RIMS2: variants seen among roughly 807,000 people sequenced by gnomAD.
The protein encoded by RIMS2 is regulating synaptic membrane exocytosis protein 2.
RIMS2 carries 59 observed loss-of-function variants against 174.4 expected under a neutral mutation model. The ratio of observed to expected loss-of-function variants is 0.34; its 90% CI spans 0.27 to 0.42. RIMS2 has a LOEUF of 0.42. Ranked by LOEUF, RIMS2 falls within the 10% of genes least tolerant of loss-of-function variation. The pLI, the probability that RIMS2 is intolerant of heterozygous loss-of-function variation, is 1.00. For missense variants in RIMS2, 1,620 were observed against 1,666.3 expected (o/e 0.97, Z 0.48); for synonymous variants, 606 against 572.5 (o/e 1.06, Z -0.84).
chr8:103,667,130 G>A lies in RIMS2; in HGVS notation c.177-29956G>A, dbSNP rs76502544. Among the ~76,000 whole-genome samples the A allele has an allele frequency of 4.7e-3, 717 of 152,232 alleles. 5 individuals are homozygous for A. The highest frequency in any genetic ancestry group is 0.016 in the African/African-American group (672 of 41,542). On this transcript the variant is annotated intron_variant, in intron 1 of 23. Transcript: ENST00000504942. The stretch of plus-strand genomic sequence containing the variant: ...AAGACCAAAGAATAAGCTAGATAAA[G>A]CATCTGTTTGTTTCAACCAAGCAAC...
At chr8:103,795,335 A>C (rs938555609) in intron 3 of RIMS2, among the ~76,000 whole-genome samples, 1 of 152,050 alleles carries the variant, frequency 6.6e-6, no homozygotes, top group Admixed American at 6.6e-5. Flanking sequence ...TCGCAAGGAC[A>C]GAAAACCAGA....
chr8:103,744,688 C>T (rs1284094525), intron 2 of RIMS2, among the ~76,000 whole-genome samples: 4 of 152,122 alleles, frequency 2.6e-5, no homozygotes, highest in African/African-American at 9.7e-5. Context: ...GCCAAGGGAA[C>T]AGGCCTAACC....
intron 3 of RIMS2, among the ~76,000 whole-genome samples, chr8:103,874,479 A>G (rs547129510): frequency 3.3e-5 from 5 of 152,042 alleles, no homozygotes; most frequent in Non-Finnish European, 7.4e-5. Context: ...TACATTTCCT[A>G]TTTTCTTCAT....
chr8:104,039,716 C>T lies in RIMS2; in HGVS notation c.3334+25101C>T, dbSNP rs543060211. ...AAAACACAATGCAACATACGAAAGT[C>T]GGCATTTGCCTAGGGTATTAATAAA... On this transcript the variant is annotated intron_variant, in intron 19 of 23. Transcript: ENST00000504942. Among the ~76,000 whole-genome samples the T allele has an allele frequency of 1.5e-4, 22 of 151,700 alleles. No individual in the cohort carries two copies. In the East Asian group the frequency reaches 3.7e-3, roughly 25 times the overall value.
chr8:103,863,336 A>AT (rs1234427959), intron 3 of RIMS2, among the ~76,000 whole-genome samples: 1 of 151,260 alleles, frequency 6.6e-6, no homozygotes, highest in Non-Finnish European at 1.5e-5. Flanking sequence ...TGGTGTATTA[A>AT]TTTTTTTTGG....
intron 3 of RIMS2, among the ~76,000 whole-genome samples, chr8:103,773,672 G>C (rs922442877): frequency 1.3e-5 from 2 of 152,152 alleles, no homozygotes; most frequent in African/African-American, 2.4e-5. Context: ...GGAGGTTGCG[G>C]TGAGCTGAGA....
At chr8:103,565,068 A>G (rs2092166484) in intron 1 of RIMS2, among the ~76,000 whole-genome samples, 1 of 152,172 alleles carries the variant, frequency 6.6e-6, no homozygotes, top group Non-Finnish European at 1.5e-5. Flanking sequence ...CTGAGACTTG[A>G]CAGACATATG....
intron 2 of RIMS2, among the ~76,000 whole-genome samples, chr8:103,758,500 C>CT (rs939971455): frequency 5.3e-5 from 8 of 151,764 alleles, no homozygotes; most frequent in Non-Finnish European, 8.8e-5. Context: ...TTTTTTTCAG[C>CT]TTTTTTTTAT....
intron 19 of RIMS2, among the ~76,000 whole-genome samples, chr8:104,175,717 C>T (rs1351406324): frequency 1.3e-5 from 2 of 151,964 alleles, no homozygotes; most frequent in Non-Finnish European, 2.9e-5. Flanking sequence ...AGAGAAAGAA[C>T]AAGTAAAGAA....
intron 3 of RIMS2, among the ~76,000 whole-genome samples, chr8:103,882,062 C>T (rs910727484): frequency 1.3e-4 from 19 of 151,360 alleles, no homozygotes; most frequent in African/African-American, 1.9e-4. Context: ...AAATCCTAGA[C>T]GAATCGTTCC....
intron 17 of RIMS2, among the ~76,000 whole-genome samples, chr8:103,991,294 G>T (rs1483474136): frequency 6.6e-6 from 1 of 151,376 alleles, no homozygotes; most frequent in Non-Finnish European, 1.5e-5. Context: ...ATTGTGAGCT[G>T]CCTTAAATCC....
intron 19 of RIMS2, among the ~76,000 whole-genome samples, chr8:104,187,356 T>C (rs932828476): frequency 2.6e-5 from 4 of 151,818 alleles, no homozygotes; most frequent in African/African-American, 9.7e-5. Flanking sequence ...ATGATAATAG[T>C]GTATTTGAGA....
intron 19 of RIMS2, among the ~76,000 whole-genome samples, chr8:104,209,205 A>T (rs1012210380): frequency 3.3e-5 from 5 of 152,192 alleles, no homozygotes; most frequent in African/African-American, 1.2e-4. Context: ...AGAATTAATT[A>T]CTTCCAATTC....
intron 17 of RIMS2, among the ~76,000 whole-genome samples, chr8:104,010,755 A>T (rs991053158): frequency 1.4e-4 from 22 of 152,188 alleles, no homozygotes; most frequent in African/African-American, 4.8e-4. Context: ...GAAAGATTTA[A>T]ATTTACAGGT....
intron 1 of RIMS2, among the ~76,000 whole-genome samples, chr8:103,612,500 C>G (rs1307048438): frequency 6.6e-6 from 1 of 152,224 alleles, no homozygotes; most frequent in African/African-American, 2.4e-5. Flanking sequence ...CTTGCAGACT[C>G]ATACAGGTAC....
chr8:103,572,469 AACTC>A (rs1308245396), intron 1 of RIMS2, among the ~76,000 whole-genome samples: 21 of 152,102 alleles, frequency 1.4e-4, no homozygotes, highest in Admixed American at 7.9e-4. Flanking sequence ...TGAGTTTACA[AACTC>A]AAGCTGCTTT....
chr8:103,730,071 C>CT (rs145703707), intron 2 of RIMS2, among the ~76,000 whole-genome samples: 142 of 152,270 alleles, frequency 9.3e-4, no homozygotes, highest in African/African-American at 2.9e-3. Context: ...TCCATTTGGA[C>CT]TATACTGCAG....
intron 19 of RIMS2, among the ~76,000 whole-genome samples, chr8:104,052,726 G>A (rs953201029): frequency 1.3e-5 from 2 of 152,074 alleles, no homozygotes; most frequent in African/African-American, 2.4e-5. Context: ...GGCCCACTTG[G>A]GGATGACTAG....
chr8:104,234,224 A>G (rs1359915816), intron 19 of RIMS2, among the ~76,000 whole-genome samples: 1 of 152,156 alleles, frequency 6.6e-6, no homozygotes, highest in African/African-American at 2.4e-5. Flanking sequence ...CAAAATTTGC[A>G]AATAGTCAAA....
Sources: allele counts gnomAD v4.1 joint callset (sites outside exome capture counted in the v4.1 genomes callset), GRCh38; gene constraint gnomAD v4.1.1; transcripts MANE v1.5; gene names NCBI Gene and HGNC (gene_info 2026-07-23, HGNC 2026-07-21).